Variants in DOCK1 observed in about 807,000 individuals in gnomAD.
DOCK1 encodes the protein dedicator of cytokinesis 1.
DOCK1 carries 138 observed loss-of-function variants against 262.7 expected under a neutral mutation model. The ratio of observed to expected loss-of-function variants is 0.53; its 90% CI spans 0.46 to 0.61. The LOEUF is 0.61. Among genes scored for constraint, DOCK1 ranks in the 20% least tolerant of loss-of-function variants. The probability of loss-of-function intolerance (pLI) is 0.00; values close to 1 mark genes in which losing one functional copy is unlikely to be tolerated. For synonymous variants in DOCK1, 866 were observed against 867.4 expected (o/e 1.00, Z 0.03); for missense variants, 1,908 against 2,370.7 (o/e 0.80, Z 4.05).
intron 27 of DOCK1, among the ~76,000 whole-genome samples, chr10:127,238,479 A>C (rs1184100427): frequency 6.6e-6 from 1 of 151,994 alleles, no homozygotes; most frequent in East Asian, 1.9e-4. Flanking sequence ...TCAGTTATCA[A>C]GTTCTCTTCT....
intron 27 of DOCK1, among the ~76,000 whole-genome samples, chr10:127,205,919 C>G (rs897279812): frequency 1.3e-5 from 2 of 152,116 alleles, no homozygotes; most frequent in Non-Finnish European, 2.9e-5. Flanking sequence ...GAGTTATCAT[C>G]TATGGGTATA....
intron 31 of DOCK1, among the ~76,000 whole-genome samples, chr10:127,346,320 T>C (rs1236280301): frequency 1.3e-5 from 2 of 152,124 alleles, no homozygotes; most frequent in Non-Finnish European, 2.9e-5. Context: ...CTAACAGCGG[T>C]GCGGTGGCTC....
In DOCK1 at chr10:127,100,507, GGTGGGTGT is replaced by G. The variant is rs2048178116; in HGVS notation, c.2446-5722_2446-5715del. ...TCTAGGGTCAGCCAGGGTGGACCCC[GGTGGGTGT>G]GGGGTGTGGGTGTTGGGCTCAGGAG... On this transcript the variant is annotated intron_variant, in intron 23 of 51. Transcript: ENST00000623213. This position sits in a 1 kb window ranked among gnomAD's most constrained non-coding sequence, Gnocchi z 5.5. Among the ~76,000 whole-genome samples the G allele has an allele frequency of 6.6e-6, 1 of 152,120 alleles. No homozygotes were observed. The highest frequency in any genetic ancestry group is 1.5e-5 in the Non-Finnish European group (1 of 68,012).
At chr10:127,152,666 C>T (rs553667366) in intron 27 of DOCK1, among the ~76,000 whole-genome samples, 1 of 152,354 alleles carries the variant, frequency 6.6e-6, no homozygotes, top group Non-Finnish European at 1.5e-5. Flanking sequence ...CTGGCCTCTA[C>T]CTGCTGCATA....
chr10:127,047,992 T>C (rs1437363081), intron 21 of DOCK1, among the ~76,000 whole-genome samples: 1 of 152,232 alleles, frequency 6.6e-6, no homozygotes, highest in African/African-American at 2.4e-5. Context: ...TCCAAGTCTT[T>C]GGTGAAGTTT....
intron 1 of DOCK1, among the ~76,000 whole-genome samples, chr10:126,925,026 C>T (rs888065551): frequency 6.6e-6 from 1 of 152,202 alleles, no homozygotes; most frequent in Admixed American, 6.5e-5. Flanking sequence ...TGTCAACCCA[C>T]GTTTTTAAAA....
chr10:126,978,023 T>C, intron 3 of DOCK1, 35 bp downstream of exon 3: 1 of 1,595,094 alleles, frequency 6.3e-7, no homozygotes, highest in African/African-American at 1.3e-5. Context: ...TGCATGTCTC[T>C]TCATAAATCA....
chr10:126,990,558 A>G lies in DOCK1; in HGVS notation c.428A>G (p.Lys143Arg), dbSNP rs75555086. The change falls in exon 6 of 52, where the codon AAA becomes AGA. Residue 143 changes from lysine to arginine, a missense_variant. By Grantham distance (26) the Lys-to-Arg change is conservative (BLOSUM62 2). Transcript: ENST00000623213. ...LSGTLPQDEL[K>R]ELKKKVTAKI... is the part of the protein sequence containing the mutation. ...GGAACTCTGCCTCAGGATGAACTCA[A>G]AGAACTGAAGAAGAAGGTCACAGCC... The G allele has an allele frequency of 6.2e-7, 1 of 1,613,846 alleles. No homozygotes were observed.
At chr10:127,282,337 G>A (rs1379113147) in intron 29 of DOCK1, among the ~76,000 whole-genome samples, 3 of 152,152 alleles carry the variant, frequency 2.0e-5, no homozygotes, top group Non-Finnish European at 4.4e-5. Context: ...TGGCCTGGGG[G>A]AGAAACGTGT....
chr10:127,097,102 C>T (rs1592010752), intron 23 of DOCK1, among the ~76,000 whole-genome samples: 2 of 151,972 alleles, frequency 1.3e-5, no homozygotes, highest in South Asian at 4.2e-4. Flanking sequence ...GAGACTCTAT[C>T]TCAGAAAGGA....
intron 27 of DOCK1, among the ~76,000 whole-genome samples, chr10:127,204,030 C>T (rs924736064): frequency 2.6e-5 from 4 of 151,648 alleles, no homozygotes; most frequent in African/African-American, 4.9e-5. Context: ...GTTGTACAAA[C>T]GCTCCTGGCT....
At chr10:127,137,919 T>G (rs1295964175) in intron 27 of DOCK1, 12 of 1,613,996 alleles carry the variant, frequency 7.4e-6, no homozygotes, top group Non-Finnish European at 1.0e-5. Context: ...GTAAGTCTCC[T>G]GAGAGTAAGG....
At position 127,384,944 on chromosome 10, in the gene DOCK1, C is replaced by T. The variant is rs200560194; in HGVS notation, c.3927+35C>T. 3.6e-3 allele frequency: 5,653 copies of T among 1,549,414 alleles called. 15 individuals are homozygous for T. The highest frequency in any genetic ancestry group is 3.7e-3 in the Non-Finnish European group (4,288 of 1,151,728). On this transcript the variant is annotated intron_variant, in intron 38 of 51. Transcript: ENST00000623213. The stretch of plus-strand genomic sequence containing the variant: ...AAAAAGCAATTGTCCTTGTTTTCCT[C>T]TTTCCATGCACCTACCTGCAGTGTT...
chr10:127,031,713 C>T lies in DOCK1; in HGVS notation c.1688C>T (p.Thr563Ile). Residue 563 changes from threonine to isoleucine, a missense_variant, in exon 17 of 52, where the codon ACC becomes ATC. Around this residue, in one of 9 missense-constraint regions of DOCK1, gnomAD observed 294 missense variants for 439.9 expected, o/e 0.67. Transcript: ENST00000623213. ...GTCAAGCTGATGAGATACGATGGTACCACCCTGCGAGACGGAGAGCACGAT... is the reference window on the plus strand; with the variant it reads ...GTCAAGCTGATGAGATACGATGGTATCACCCTGCGAGACGGAGAGCACGAT... ...AFVKLMRYDG[T>I]TLRDGEHDLI... The T allele has an allele frequency of 6.2e-7, 1 of 1,613,294 alleles. No homozygotes were observed. Among genetic ancestry groups the T allele is most frequent in the Non-Finnish European group, 8.5e-7 (1 of 1,179,834 alleles).
intron 29 of DOCK1, 82 bp from the exon 30 acceptor site, chr10:127,338,924 A>G (rs2063309171): frequency 8.4e-7 from 1 of 1,195,688 alleles, no homozygotes; most frequent in Admixed American, 2.0e-5. Flanking sequence ...ACAGTCTGGG[A>G]TTGTATCTAA....
chr10:127,353,564 T>G (rs1320869668), intron 31 of DOCK1, among the ~76,000 whole-genome samples: 1 of 152,228 alleles, frequency 6.6e-6, no homozygotes, highest in Non-Finnish European at 1.5e-5. Context: ...TAACCGAGTC[T>G]GCCTGCATCA....
chr10:127,226,067 G>A (rs1316831036), intron 27 of DOCK1, among the ~76,000 whole-genome samples: 3 of 142,908 alleles, frequency 2.1e-5, no homozygotes, highest in African/African-American at 7.9e-5. Context: ...GATAGTGCGA[G>A]AGACTCTGTC....
intron 29 of DOCK1, among the ~76,000 whole-genome samples, chr10:127,318,587 C>G (rs554232783): frequency 9.8e-5 from 15 of 152,344 alleles, no homozygotes; most frequent in African/African-American, 1.9e-4. Flanking sequence ...CTTTCCCTCC[C>G]TGAGCCTCCT....
At chr10:126,910,810 TC>T (rs1468482205) in intron 1 of DOCK1, among the ~76,000 whole-genome samples, 1 of 152,174 alleles carries the variant, frequency 6.6e-6, no homozygotes, top group Non-Finnish European at 1.5e-5. Context: ...TAAAGAGTGT[TC>T]CGTTAGTGAA....
Sources: gnomAD v4.1 joint callset for allele counts (sites outside exome capture counted in the v4.1 genomes callset) on GRCh38, gnomAD v4.1.1 for gene constraint, gnomAD v4.1.1 regional missense constraint, Gnocchi (gnomAD v3.1) non-coding constraint, MANE v1.5 for transcripts, NCBI Gene and HGNC (gene_info 2026-07-23, HGNC 2026-07-21) for gene names.